Variants in CASZ1 observed in about 807,000 individuals in gnomAD.
CASZ1 encodes zinc finger protein castor homolog 1.
A neutral mutation model predicts 135.2 loss-of-function variants in CASZ1; 28 were observed. That is an observed-to-expected ratio of 0.21 (90% CI 0.15 to 0.28). CASZ1 has a LOEUF of 0.28. CASZ1 is among the 10% of genes least tolerant of loss of function. The pLI is 1.00. For synonymous variants in CASZ1, 1,068 were observed against 1,073.4 expected (o/e 0.99, Z 0.10); for missense variants, 2,161 against 2,453.3 (o/e 0.88, Z 2.52).
chr1:10,771,761 T>A (rs575595296), intron 1 of CASZ1, among the ~76,000 whole-genome samples: 1 of 152,260 alleles, frequency 6.6e-6, no homozygotes, highest in South Asian at 2.1e-4. Flanking sequence ...CACTTCTTGA[T>A]CTTTGCCAAA....
In CASZ1 at chr1:10,639,349, C is replaced by T. The variant is rs925726647; in HGVS notation, c.4873G>A (p.Glu1625Lys). 9.1e-5 allele frequency: 137 copies of T among 1,513,360 alleles called. No homozygotes were observed. The highest frequency in any genetic ancestry group is 1.2e-4 in the Non-Finnish European group (132 of 1,135,474). The allele number at this position is 1,513,360 out of a possible 1,614,324, so 93.7% of individuals were successfully genotyped here. A position where few individuals can be genotyped will look rare whatever the true frequency, so the allele number is the denominator to read the frequency against. Residue 1625 changes from glutamate to lysine, a missense_variant, in exon 21 of 21, where the codon GAG (glutamate) becomes AAG (lysine). Around this residue, in one of 7 missense-constraint regions of CASZ1, gnomAD observed 240 missense variants for 321.4 expected, o/e 0.75. Coordinates refer to ENST00000377022, the MANE Select transcript of CASZ1 (RefSeq NM_001079843.3). This position sits in a 1 kb window ranked among gnomAD's most constrained non-coding sequence, Gnocchi z 4.0. The stretch of plus-strand genomic sequence containing the variant: ...TGCAGGAAGAGCAGCGAGCCCGGCT[C>T]GGCGCCCAGCGACAGGGAGCCGTCC... ...SLDGSLSLGA[E>K]PGSLLFLQSA...
At position 10,761,121 on chromosome 1, in the gene CASZ1, A is replaced by G. The variant is rs140267796; in HGVS notation, c.-233-264T>C. Among the ~76,000 whole-genome samples the G allele has an allele frequency of 3.2e-3, 485 of 152,366 alleles. 2 individuals are homozygous for G. Among genetic ancestry groups the G allele is most frequent in the African/African-American group, 0.011 (465 of 41,586 alleles). On this transcript the variant is annotated intron_variant, in intron 1 of 20. Coordinates refer to ENST00000377022, the MANE Select transcript of CASZ1 (RefSeq NM_001079843.3). ...GTTGTTGTACCTAATAAAAGAAGCAAACAGGTAGAAACAATACTAGGCCAA... is the reference window on the plus strand; with the variant it reads ...GTTGTTGTACCTAATAAAAGAAGCAGACAGGTAGAAACAATACTAGGCCAA...
chr1:10,756,262 G>A lies in CASZ1; in HGVS notation c.-77+4439C>T, dbSNP rs572479506. ...AGCCTCCTTACAGGGCCAGGCTGCT[G>A]TGCCACACATTGCTTCCCACTTGGG... On this transcript the variant is annotated intron_variant, in intron 2 of 20. Transcript: ENST00000377022. This position sits in a 1 kb window ranked among gnomAD's most constrained non-coding sequence, Gnocchi z 5.9. Among the ~76,000 whole-genome samples the A allele has an allele frequency of 2.0e-4, 30 of 152,226 alleles. No homozygotes were observed. Among genetic ancestry groups the A allele is most frequent in the African/African-American group, 7.0e-4 (29 of 41,546 alleles).
intron 2 of CASZ1, among the ~76,000 whole-genome samples, chr1:10,734,990 C>A (rs752003644): frequency 1.3e-5 from 2 of 152,148 alleles, no homozygotes; most frequent in Admixed American, 1.3e-4. Flanking sequence ...CCCTTGAGGG[C>A]GGCCACATAC....
intron 14 of CASZ1, 31 bp downstream of exon 14, chr1:10,649,252 C>A (rs284300): frequency 1.9e-5 from 30 of 1,604,790 alleles, no homozygotes; most frequent in Non-Finnish European, 2.6e-5. Context: ...TGCGGGGGGA[C>A]GATGGGTGGA....
intron 1 of CASZ1, among the ~76,000 whole-genome samples, chr1:10,785,523 C>A (rs1640843897): frequency 6.6e-6 from 1 of 152,190 alleles, no homozygotes; most frequent in Admixed American, 6.5e-5. Flanking sequence ...CTCCAGTGCC[C>A]CCCGCTTCAC....
chr1:10,750,311 T>C (rs1167239001), intron 2 of CASZ1, among the ~76,000 whole-genome samples: 1 of 152,180 alleles, frequency 6.6e-6, no homozygotes, highest in African/African-American at 2.4e-5. Context: ...GGTCTTGCCC[T>C]GCTGCCAAGG....
In CASZ1 at chr1:10,646,760, G is replaced by A. The variant is rs1055045887; in HGVS notation, c.3498-434C>T. 3.9e-5 allele frequency among the ~76,000 whole-genome samples: 6 copies of A among 152,306 alleles called. No homozygotes were observed. Among genetic ancestry groups the A allele is most frequent in the Non-Finnish European group, 8.8e-5 (6 of 68,020 alleles). On this transcript the variant is annotated intron_variant, in intron 16 of 20. Transcript: ENST00000377022. The surrounding 1 kb of genome is among the most constrained non-coding windows in gnomAD (Gnocchi z 6.4). The stretch of plus-strand genomic sequence containing the variant: ...GCTGACAGACTGCAGATGGGTGCTC[G>A]GCCCCACCAGGAAGCGCTGCTGCCA...
chr1:10,700,157 T>G lies in CASZ1; in HGVS notation c.-24+5335A>C, dbSNP rs1308798732. On this transcript the variant is annotated intron_variant, in intron 3 of 20. Coordinates refer to ENST00000377022, the MANE Select transcript of CASZ1 (RefSeq NM_001079843.3). The surrounding 1 kb of genome is among the most constrained non-coding windows in gnomAD (Gnocchi z 4.2). ...GACCTGGGCTAGTTGGGTTGCCCTG[T>G]GGGCCTGGCCCAGCCTGTGGCCCCA... is the stretch of plus-strand genomic sequence containing the variant. 2.0e-5 allele frequency among the ~76,000 whole-genome samples: 3 copies of G among 149,806 alleles called. No homozygotes were observed. Among genetic ancestry groups the G allele is most frequent in the African/African-American group, 7.4e-5 (3 of 40,458 alleles).
intron 5 of CASZ1, among the ~76,000 whole-genome samples, chr1:10,661,961 ACACT>A (rs1351528409): frequency 1.4e-5 from 2 of 147,176 alleles, no homozygotes; most frequent in Admixed American, 1.3e-4. Flanking sequence ...CATCACATAC[ACACT>A]CACATAAACC....
intron 20 of CASZ1, among the ~76,000 whole-genome samples, chr1:10,640,402 G>A (rs1022937558): frequency 2.0e-5 from 3 of 152,220 alleles, no homozygotes; most frequent in Non-Finnish European, 2.9e-5. Context: ...TGAAGCTGAA[G>A]GGGGAATCTA....
At chr1:10,662,515 T>A (rs1643080023) in intron 5 of CASZ1, among the ~76,000 whole-genome samples, 1 of 151,862 alleles carries the variant, frequency 6.6e-6, no homozygotes, top group African/African-American at 2.4e-5. Context: ...CACGGTCACA[T>A]GCACACAGTC....
chr1:10,725,717 C>CT lies in CASZ1; in HGVS notation c.-76-20174dup, dbSNP rs77796677. 0.047 allele frequency among the ~76,000 whole-genome samples: 6,760 copies of CT among 144,000 alleles called. 236 individuals carry two copies. Among genetic ancestry groups the CT allele is most frequent in the African/African-American group, 0.1 (4,041 of 39,340 alleles). 94.5% of individuals were successfully genotyped at this position (144,000 alleles called of 152,430 possible). On this transcript the variant is annotated intron_variant, in intron 2 of 20. Transcript: ENST00000377022. This position sits in a 1 kb window ranked among gnomAD's most constrained non-coding sequence, Gnocchi z 4.4. ...GGTGGAAGCCAGGTTCTGGAAAGCC[C>CT]TTTTTTTTTTTTTACTAGGAGACCC...
At chr1:10,744,066 C>T (rs568144706) in intron 2 of CASZ1, among the ~76,000 whole-genome samples, 2 of 152,260 alleles carry the variant, frequency 1.3e-5, no homozygotes, top group East Asian at 3.9e-4. Flanking sequence ...GGCACTCTCT[C>T]CCCCTTAGAC....
chr1:10,641,980 G>T (rs1052137740), intron 20 of CASZ1: 3 of 152,524 alleles, frequency 2.0e-5, no homozygotes, highest in African/African-American at 4.8e-5. Context: ...CTGGAGGGTG[G>T]GTTGGGGTGA....
In CASZ1 at chr1:10,665,421, C is replaced by T. The variant is rs759451243; in HGVS notation, c.167G>A (p.Gly56Asp). 2 of 1,612,502 alleles carry T rather than the reference C, an allele frequency of 1.2e-6. No homozygotes were observed. The highest frequency in any genetic ancestry group is 3.3e-5 in the Admixed American group (2 of 59,996). The change falls in exon 5 of 21, where the codon GGC becomes GAC. Residue 56 changes from glycine to aspartate, a missense_variant. By Grantham distance (94) the Gly-to-Asp change is moderately conservative. Coordinates refer to ENST00000377022, the MANE Select transcript of CASZ1 (RefSeq NM_001079843.3). ...TTGGTCCCGGGGCTGCGATGGGCTGCCCTCCGTGTGGGAGCCGGCGTCAGC... is the reference window on the plus strand; with the variant it reads ...TTGGTCCCGGGGCTGCGATGGGCTGTCCTCCGTGTGGGAGCCGGCGTCAGC... ...KRADAGSHTEGSPSQPRDQER... is the reference protein window; with the variant it reads ...KRADAGSHTEDSPSQPRDQER...
rs372354415 is a variant in CASZ1, at chr1:10,742,743, G to T, written c.-77+17958C>A. On this transcript the variant is annotated intron_variant, in intron 2 of 20. Transcript: ENST00000377022. ...TCATGCCTGTAATCTCATCACTTTG[G>T]AAGGCTGAGGCAGGCGGATCACTTG... Among the ~76,000 whole-genome samples the T allele has an allele frequency of 2.0e-4, 30 of 152,250 alleles. No homozygotes were observed. In the South Asian group the frequency reaches 6.0e-3, roughly 31 times the overall value.
chr1:10,789,292 C>A (rs1640912357), intron 1 of CASZ1, among the ~76,000 whole-genome samples: 2 of 150,708 alleles, frequency 1.3e-5, no homozygotes, highest in East Asian at 2.0e-4. Context: ...GGTCCCCCCA[C>A]CCCAGCCTCC....
Position 10,755,003 on chromosome 1 carries a change from G to T in CASZ1, c.-77+5698C>A, listed in dbSNP as rs1570563129. Reference sequence around the variant, plus strand: ...ACCCAGCTACCATAGCAAGGCCCAGGCTCAGAAAAGCCCCTGCTTCGGAGG... The same window carrying T: ...ACCCAGCTACCATAGCAAGGCCCAGTCTCAGAAAAGCCCCTGCTTCGGAGG... On this transcript the variant is annotated intron_variant, in intron 2 of 20. Transcript: ENST00000377022. The surrounding 1 kb of genome is among the most constrained non-coding windows in gnomAD (Gnocchi z 4.3). Among the ~76,000 whole-genome samples the T allele has an allele frequency of 6.6e-6, 1 of 152,324 alleles. No homozygotes were observed. Among genetic ancestry groups the T allele is most frequent in the South Asian group, 2.1e-4 (1 of 4,828 alleles).
Sources: allele counts gnomAD v4.1 joint callset (sites outside exome capture counted in the v4.1 genomes callset), GRCh38; gene constraint gnomAD v4.1.1; regional missense constraint gnomAD v4.1.1; non-coding constraint Gnocchi (gnomAD v3.1); transcripts MANE v1.5; gene names NCBI Gene and HGNC (gene_info 2026-07-23, HGNC 2026-07-21).